The following UROC1 variants were observed in gnomAD, a reference collection of about 807,000 sequenced individuals.
UROC1 encodes the protein urocanate hydratase.
A neutral mutation model predicts 89.5 loss-of-function variants in UROC1; 79 were observed. That is an observed-to-expected ratio of 0.88 (90% CI 0.74 to 1.06). The LOEUF is 1.06. Among genes scored for constraint, UROC1 ranks in the 50% least tolerant of loss-of-function variants. The probability of loss-of-function intolerance (pLI) is 0.00; values close to 1 mark genes in which losing one functional copy is unlikely to be tolerated. For missense variants in UROC1, 885 were observed against 907.8 expected, an observed-to-expected ratio of 0.97 and a Z score of 0.32; for synonymous variants, 361 against 354.8, an observed-to-expected ratio of 1.02 and a Z score of -0.20.
intron 15 of UROC1, among the ~76,000 whole-genome samples, chr3:126,494,549 G>A (rs1333591395): frequency 6.6e-6 from 1 of 152,194 alleles, no homozygotes; most frequent in Non-Finnish European, 1.5e-5. Context: ...CCAGGACAGG[G>A]GCAGGCCTCT....
At chr3:126,503,494 C>A (rs1278252086) in intron 9 of UROC1, among the ~76,000 whole-genome samples, 1 of 152,244 alleles carries the variant, frequency 6.6e-6, no homozygotes, top group Non-Finnish European at 1.5e-5. Context: ...AACCCACCGA[C>A]TGCCCCTCAG....
chr3:126,493,103 C>T (rs708907), intron 15 of UROC1, among the ~76,000 whole-genome samples: 65,431 of 151,974 alleles, frequency 0.43, 15,082 homozygotes, highest in Middle Eastern at 0.57. Context: ...ACCCAGTGAT[C>T]GCATCTCCTG....
Position 126,501,267 on chromosome 3 carries a change from T to C in UROC1, c.916A>G (p.Lys306Glu), listed in dbSNP as rs1286543358. 1 of 1,613,944 alleles carries C rather than the reference T, an allele frequency of 6.2e-7. No individual in the cohort carries two copies. Among genetic ancestry groups the C allele is most frequent in the Non-Finnish European group, 8.5e-7 (1 of 1,180,002 alleles). The change falls in exon 10 of 20, where the codon AAA becomes GAA. Residue 306 changes from lysine to glutamate, a missense_variant. Physicochemically the swap from Lys to Glu is moderately conservative, Grantham distance 56. Transcript: ENST00000290868. Reference sequence around the variant, plus strand: ...TAACCAAGGCTGAGCACCTCCTTTTTTTTCCTTGCTTCCCTGGAAGGACAC... The same window carrying C: ...TAACCAAGGCTGAGCACCTCCTTTTCTTTCCTTGCTTCCCTGGAAGGACAC... ...CIQRLREARKKKEVLSLGYHG... is the reference protein window; with the variant it reads ...CIQRLREARKEKEVLSLGYHG...
chr3:126,508,536 C>T (rs1301973060), intron 3 of UROC1, 61 bp from the exon 4 acceptor site: 2 of 1,461,900 alleles, frequency 1.4e-6, no homozygotes, highest in Non-Finnish European at 9.5e-7. Flanking sequence ...GAGTTGCAGA[C>T]AGGGAGAGAA....
At chr3:126,489,910 C>T (rs902480994) in intron 16 of UROC1, among the ~76,000 whole-genome samples, 9 of 152,210 alleles carry the variant, frequency 5.9e-5, no homozygotes, top group Non-Finnish European at 1.3e-4. Context: ...CATTGTAAAG[C>T]AGAAAAATTG....
In UROC1 at chr3:126,489,354, CT is replaced by C; in HGVS notation, c.1629del (p.Asp544IlefsTer5). Reference sequence around the variant, plus strand: ...TCGGTGCCGCTCACGTCATGGTGATCTCGGCTCAGGACCACCGGCGCCTGTG... The same window carrying C: ...TCGGTGCCGCTCACGTCATGGTGATCCGGCTCAGGACCACCGGCGCCTGTG... ...RRIKAPVVLSRDHHDVSGTDS... is the reference protein window; with the variant it reads ...RRIKAPVVLSXDHHDVSGTDS... On this transcript the variant is annotated frameshift_variant, in exon 17 of 20. Transcript: ENST00000290868. LOFTEE classifies it high-confidence loss of function. The C allele has an allele frequency of 6.2e-7, 1 of 1,612,852 alleles. No homozygotes were observed. Among genetic ancestry groups the C allele is most frequent in the Non-Finnish European group, 8.5e-7 (1 of 1,180,002 alleles).
intron 16 of UROC1, among the ~76,000 whole-genome samples, chr3:126,489,671 G>A (rs1935600561): frequency 6.6e-6 from 1 of 152,184 alleles, no homozygotes; most frequent in South Asian, 2.1e-4. Flanking sequence ...GGCACAGAGA[G>A]GAGAAGAAAT....
At chr3:126,504,414 T>C (rs1936007605) in intron 8 of UROC1, among the ~76,000 whole-genome samples, 1 of 152,042 alleles carries the variant, frequency 6.6e-6, no homozygotes, top group African/African-American at 2.4e-5. Flanking sequence ...ACCAATGAGA[T>C]AAAAGGAGAG....
intron 18 of UROC1, among the ~76,000 whole-genome samples, chr3:126,487,301 G>T (rs1446723533): frequency 1.3e-5 from 2 of 152,234 alleles, no homozygotes; most frequent in African/African-American, 4.8e-5. Context: ...AAATGACTCA[G>T]GAAATCCTGT....
At chr3:126,507,355 T>TAAA (rs10709518) in intron 6 of UROC1, among the ~76,000 whole-genome samples, 1 of 141,052 alleles carries the variant, frequency 7.1e-6, no homozygotes. Flanking sequence ...GTGAGATGCA[T>TAAA]AAAAAAAAAA....
chr3:126,499,071 C>G lies in UROC1; in HGVS notation c.1316+266G>C, dbSNP rs1357335323. On this transcript the variant is annotated intron_variant, in intron 13 of 19. Coordinates refer to ENST00000290868, the MANE Select transcript of UROC1 (RefSeq NM_144639.3). Reference sequence around the variant, plus strand: ...GCAGTTGTTTGCCAGGAAGTGGCCTCAGCCTCTAGGCCCCGCAGCCCCCTG... The same window carrying G: ...GCAGTTGTTTGCCAGGAAGTGGCCTGAGCCTCTAGGCCCCGCAGCCCCCTG... Among the ~76,000 whole-genome samples, 3 of 152,062 alleles carry G rather than the reference C, an allele frequency of 2.0e-5. No homozygotes were observed. In the East Asian group the frequency reaches 5.8e-4, roughly 29 times the overall value.
At chr3:126,501,818 A>G (rs1935929020) in intron 9 of UROC1, 1 of 1,599,490 alleles carries the variant, frequency 6.3e-7, no homozygotes, top group Non-Finnish European at 8.5e-7. Flanking sequence ...GGCCTGGAGA[A>G]GCCCGAGGGA....
At chr3:126,496,199 C>G (rs1935772973) in intron 14 of UROC1, 91 bp from the exon 15 acceptor site, 1 of 1,302,052 alleles carries the variant, frequency 7.7e-7, no homozygotes, top group Non-Finnish European at 1.1e-6. Context: ...AGACCCTGCC[C>G]CGAGCCCACC....
At chr3:126,489,029 C>T (rs1461648141) in intron 17 of UROC1, among the ~76,000 whole-genome samples, 2 of 152,162 alleles carry the variant, frequency 1.3e-5, no homozygotes, top group African/African-American at 2.4e-5. Context: ...AAGGAAACAG[C>T]TGGCTGCCCA....
rs772115355 is a variant in UROC1, at chr3:126,517,603, C to T, written c.117G>A (p.Val39=). The T allele has an allele frequency of 6.2e-7, 1 of 1,612,368 alleles. No homozygotes were observed. Among genetic ancestry groups the T allele is most frequent in the East Asian group, 2.2e-5 (1 of 44,872 alleles). The change falls in exon 1 of 20, where the codon GTG becomes GTA. Residue 39 remains valine (V), a synonymous_variant. Coordinates refer to ENST00000290868, the MANE Select transcript of UROC1 (RefSeq NM_144639.3). ...APVRTPSLSP[V]EKQLALRNAL... ...CGGGCCCACTGCTTACCTGTTTCTCCACAGGGCTGAGGCTGGGGGTCCTGA... is the reference window on the plus strand; with the variant it reads ...CGGGCCCACTGCTTACCTGTTTCTCTACAGGGCTGAGGCTGGGGGTCCTGA...
At chr3:126,501,860 G>C (rs1254768668) in intron 9 of UROC1, 1 of 1,599,502 alleles carries the variant, frequency 6.3e-7, no homozygotes, top group Non-Finnish European at 8.5e-7. Context: ...AGGGGTGCAA[G>C]GTTGACAAAG....
At chr3:126,485,002 C>T (rs1274695851) in intron 18 of UROC1, among the ~76,000 whole-genome samples, 1 of 152,208 alleles carries the variant, frequency 6.6e-6, no homozygotes, top group Non-Finnish European at 1.5e-5. Context: ...GCAAACTGAC[C>T]ACAGAGGAAC....
At position 126,482,296 on chromosome 3, in the gene UROC1, G is replaced by C. The variant is rs1248805214; in HGVS notation, c.*49C>G. On this transcript the variant is annotated 3_prime_UTR_variant, in exon 20 of 20. Coordinates refer to ENST00000290868, the MANE Select transcript of UROC1 (RefSeq NM_144639.3). The stretch of plus-strand genomic sequence containing the variant: ...GGGTGTGTGCCATGGCTGGGCAGGT[G>C]AGGATCGCCAGGGAGGAAGGGAGGC... The C allele has an allele frequency of 6.2e-7, 1 of 1,607,544 alleles. No individual in the cohort carries two copies. The highest frequency in any genetic ancestry group is 1.1e-5 in the South Asian group (1 of 90,792).
At chr3:126,510,138 G>A (rs1936162431) in intron 2 of UROC1, among the ~76,000 whole-genome samples, 1 of 152,174 alleles carries the variant, frequency 6.6e-6, no homozygotes, top group South Asian at 2.1e-4. Flanking sequence ...GCACCTTCAA[G>A]AACAATGAAC....
Sources: allele counts gnomAD v4.1 joint callset (sites outside exome capture counted in the v4.1 genomes callset), GRCh38; gene constraint gnomAD v4.1.1; transcripts MANE v1.5; gene names NCBI Gene and HGNC (gene_info 2026-07-23, HGNC 2026-07-21).